The following DAB1 variants were observed in gnomAD, a reference collection of about 807,000 sequenced individuals.
DAB1 encodes DAB adaptor protein 1, also known as disabled homolog 1.
Under a neutral mutation model 64.6 loss-of-function variants are expected in DAB1, and 15 were observed. That is an observed-to-expected ratio of 0.23 (90% CI 0.16 to 0.36). The LOEUF (loss-of-function observed/expected upper bound fraction) is 0.36, where lower values mean the gene tolerates loss of function less well. DAB1 is among the 10% of genes least tolerant of loss of function. The pLI is 1.00. For missense variants in DAB1, 596 were observed against 706.7 expected (o/e 0.84, Z 1.78); for synonymous variants, 235 against 251.9 (o/e 0.93, Z 0.64).
chr1:58,331,181 G>C (rs1365294491), intron 4 of DAB1, among the ~76,000 whole-genome samples: 1 of 152,142 alleles, frequency 6.6e-6, no homozygotes, highest in Non-Finnish European at 1.5e-5. Flanking sequence ...GACTTTGAAA[G>C]GTTCAAGACT....
chr1:58,396,337 T>C (rs142044824), intron 3 of DAB1, among the ~76,000 whole-genome samples: 1 of 152,132 alleles, frequency 6.6e-6, no homozygotes, highest in East Asian at 1.9e-4. Context: ...CACCAAAGTG[T>C]TTCTCATTGT....
At chr1:57,776,091 T>C (rs1649785343) in intron 6 of DAB1, among the ~76,000 whole-genome samples, 1 of 151,758 alleles carries the variant, frequency 6.6e-6, no homozygotes, top group South Asian at 2.1e-4. Context: ...TTATGTTGTC[T>C]TTATGTTGAA....
intron 4 of DAB1, among the ~76,000 whole-genome samples, chr1:58,311,871 A>C (rs1308414706): frequency 6.6e-6 from 1 of 151,176 alleles, no homozygotes; most frequent in Non-Finnish European, 1.5e-5. Flanking sequence ...TAATCTTCAC[A>C]ACAACATTGG....
chr1:58,224,324 G>A (rs1424586520), intron 4 of DAB1, among the ~76,000 whole-genome samples: 2 of 152,302 alleles, frequency 1.3e-5, no homozygotes, highest in South Asian at 4.1e-4. Flanking sequence ...GTAACAAGTA[G>A]TAGCAGTAGC....
At chr1:58,255,221 G>A (rs1307898842) in intron 4 of DAB1, among the ~76,000 whole-genome samples, 4 of 149,490 alleles carry the variant, frequency 2.7e-5, no homozygotes, top group Admixed American at 1.3e-4. Context: ...GTCTGTTCAT[G>A]TCCTTCGCCC....
chr1:58,371,027 T>C (rs1289316217), intron 3 of DAB1, among the ~76,000 whole-genome samples: 1 of 152,172 alleles, frequency 6.6e-6, no homozygotes, highest in Non-Finnish European at 1.5e-5. Flanking sequence ...CCTGAGAAAG[T>C]GGAAGCTACT....
intron 9 of DAB1, among the ~76,000 whole-genome samples, chr1:57,034,961 A>C (rs2100444537): frequency 1.3e-5 from 2 of 152,340 alleles, no homozygotes; most frequent in East Asian, 3.9e-4. Context: ...CAGGCCCTCT[A>C]AGGCAGAGCC....
chr1:57,626,236 T>C (rs977309325), intron 7 of DAB1, among the ~76,000 whole-genome samples: 11 of 152,114 alleles, frequency 7.2e-5, no homozygotes, highest in African/African-American at 2.4e-4. Context: ...GAGGAGCTGG[T>C]GAAGGTTTCT....
intron 4 of DAB1, among the ~76,000 whole-genome samples, chr1:57,116,798 C>T (rs942465335): frequency 6.6e-5 from 10 of 152,188 alleles, no homozygotes; most frequent in Admixed American, 4.6e-4. Context: ...TTGAAATATA[C>T]AGCAGGAGAA....
At chr1:58,407,815 T>C (rs2100569360) in intron 3 of DAB1, among the ~76,000 whole-genome samples, 1 of 152,170 alleles carries the variant, frequency 6.6e-6, no homozygotes. Context: ...CAAAGTAAGG[T>C]TTTAAAAATC....
At chr1:57,710,843 A>T (rs1423515748) in intron 6 of DAB1, among the ~76,000 whole-genome samples, 1 of 152,166 alleles carries the variant, frequency 6.6e-6, no homozygotes, top group Non-Finnish European at 1.5e-5. Context: ...CTCCACAAAA[A>T]TTCAAAGGCT....
intron 4 of DAB1, among the ~76,000 whole-genome samples, chr1:58,268,035 A>G (rs972689587): frequency 6.6e-6 from 1 of 152,166 alleles, no homozygotes; most frequent in Non-Finnish European, 1.5e-5. Flanking sequence ...GGAGAGTTGC[A>G]TGCTTGGGCT....
rs1392908092 is a variant in DAB1, at chr1:57,759,708, T to C, written n.552-110043A>G. Among the ~76,000 whole-genome samples the C allele has an allele frequency of 2.0e-5, 3 of 152,122 alleles. No individual in the cohort carries two copies. The East Asian group carries it at 5.8e-4, about 29-fold the overall frequency. On this transcript the variant is annotated intron_variant and non_coding_transcript_variant, in intron 6 of 20. Transcript: ENST00000485760. ...CATTCTACAGGATTATTCCACCTAC[T>C]CTTTGGGGAATAGACTAGGCAGAGG... is the stretch of plus-strand genomic sequence containing the variant.
intron 5 of DAB1, among the ~76,000 whole-genome samples, chr1:57,915,560 T>C (rs184349984): frequency 1.9e-3 from 290 of 150,266 alleles, no homozygotes; most frequent in African/African-American, 7.1e-3. Context: ...GCAGCCTTGC[T>C]TTCAATTCCC....
rs1369470024 is a variant in DAB1, at chr1:57,415,280, C to CACACACACAT, written c.-137+8649_-137+8650insATGTGTGTGT. ...ACACACACACACACACACACACACACATATATGCACACACTCCACATGGAT... is the reference window on the plus strand; with the variant it reads ...ACACACACACACACACACACACACACACACACACATATATATGCACACACTCCACATGGAT... On this transcript the variant is annotated intron_variant, in intron 1 of 14. Transcript: ENST00000371236. Among the ~76,000 whole-genome samples, 1,241 of 145,316 alleles carry CACACACACAT rather than the reference C, an allele frequency of 8.5e-3. 9 individuals carry two copies. The highest frequency in any genetic ancestry group is 0.01 in the Non-Finnish European group (661 of 65,714).
intron 4 of DAB1, among the ~76,000 whole-genome samples, chr1:58,313,420 A>G (rs1662474112): frequency 6.6e-6 from 1 of 152,124 alleles, no homozygotes; most frequent in Admixed American, 6.6e-5. Context: ...CAGACATCCC[A>G]CAATGGCCTA....
At chr1:57,872,622 C>T (rs1435759653) in intron 1 of DAB1, among the ~76,000 whole-genome samples, 1 of 152,158 alleles carries the variant, frequency 6.6e-6, no homozygotes, top group African/African-American at 2.4e-5. Flanking sequence ...AAGGGGTCCG[C>T]AGTCCCCATT....
At chr1:58,457,907 G>T (rs997014225) in intron 3 of DAB1, among the ~76,000 whole-genome samples, 1 of 152,176 alleles carries the variant, frequency 6.6e-6, no homozygotes, top group Admixed American at 6.5e-5. Flanking sequence ...ACACATCAAC[G>T]CTCTGCCTGG....
At chr1:57,990,788 G>A (rs556036116) in intron 5 of DAB1, among the ~76,000 whole-genome samples, 3 of 152,314 alleles carry the variant, frequency 2.0e-5, no homozygotes, top group Admixed American at 2.0e-4. Flanking sequence ...CAGACTCTCT[G>A]TACTCCAGCA....
Sources: gnomAD v4.1 joint callset for allele counts (sites outside exome capture counted in the v4.1 genomes callset) on GRCh38, gnomAD v4.1.1 for gene constraint, MANE v1.5 for transcripts, NCBI Gene and HGNC (gene_info 2026-07-23, HGNC 2026-07-21) for gene names.